The following TOM1L2 variants were observed in gnomAD, a reference collection of about 807,000 sequenced individuals.
TOM1L2 encodes TOM1-like protein 2.
TOM1L2 carries 31 observed loss-of-function variants against 67.9 expected under a neutral mutation model. The ratio of observed to expected loss-of-function variants is 0.46; its 90% CI spans 0.34 to 0.62. The LOEUF is 0.62. Ranked by LOEUF, TOM1L2 falls within the 20% of genes least tolerant of loss-of-function variation. The pLI, the probability that TOM1L2 is intolerant of heterozygous loss-of-function variation, is 0.01. For missense variants in TOM1L2, 606 were observed against 663.5 expected (o/e 0.91, Z 0.95); for synonymous variants, 256 against 254.0 (o/e 1.01, Z -0.07).
intron 9 of TOM1L2, 46 bp downstream of exon 9, chr17:17,866,830 G>A (rs1290354271): frequency 1.9e-6 from 3 of 1,569,424 alleles, no homozygotes; most frequent in Non-Finnish European, 2.6e-6. Flanking sequence ...ACGTGGAGGG[G>A]TAGGTCTGGC....
chr17:17,929,304 G>A (rs1404928055), intron 1 of TOM1L2, among the ~76,000 whole-genome samples: 1 of 152,206 alleles, frequency 6.6e-6, no homozygotes, highest in Admixed American at 6.5e-5. Flanking sequence ...GCTTTGAGCA[G>A]CAGGCTTTGG....
chr17:17,894,069 C>T (rs945646137), intron 3 of TOM1L2, among the ~76,000 whole-genome samples: 2 of 152,178 alleles, frequency 1.3e-5, no homozygotes, highest in Non-Finnish European at 2.9e-5. Context: ...ATTGAGGCAC[C>T]AGTTTTGCAT....
intron 6 of TOM1L2, 104 bp from the exon 7 acceptor site, chr17:17,879,847 C>G: frequency 1.0e-6 from 1 of 977,568 alleles, no homozygotes; most frequent in South Asian, 1.4e-5. Context: ...ATCCTTCTCA[C>G]TGGGAGATCT....
chr17:17,882,206 G>C (rs1260517186), intron 6 of TOM1L2, among the ~76,000 whole-genome samples: 1 of 152,134 alleles, frequency 6.6e-6, no homozygotes, highest in African/African-American at 2.4e-5. Flanking sequence ...TTATGGGATA[G>C]ATCTAAGCCT....
chr17:17,852,720 T>G (rs2036041735), intron 12 of TOM1L2, among the ~76,000 whole-genome samples: 1 of 151,524 alleles, frequency 6.6e-6, no homozygotes, highest in South Asian at 2.1e-4. Flanking sequence ...ACAAAATTAG[T>G]TGGGTGTGGT....
intron 7 of TOM1L2, chr17:17,869,755 T>C (rs986125035): frequency 4.8e-6 from 5 of 1,043,194 alleles, no homozygotes; most frequent in African/African-American, 3.3e-5. Flanking sequence ...TATTAAAATG[T>C]GATTCTTTCC....
chr17:17,958,500 G>T (rs1320078741), intron 1 of TOM1L2, among the ~76,000 whole-genome samples: 1 of 152,156 alleles, frequency 6.6e-6, no homozygotes, highest in South Asian at 2.1e-4. Flanking sequence ...CCTTCATGAG[G>T]CTGAGTTGAA....
intron 14 of TOM1L2, 60 bp downstream of exon 14, chr17:17,848,763 C>A: frequency 1.2e-5 from 19 of 1,567,044 alleles, no homozygotes; most frequent in Non-Finnish European, 1.7e-5. Flanking sequence ...GGGGCTGGCT[C>A]CTGTGCAGCC....
At chr17:17,872,092 T>G in intron 7 of TOM1L2, 1 of 974,072 alleles carries the variant, frequency 1.0e-6, no homozygotes, top group Non-Finnish European at 1.2e-6. Flanking sequence ...CAGGCGCCAA[T>G]GGACACTCAC....
chr17:17,940,192 C>CAAAAAAAAAAAAAAAA, intron 1 of TOM1L2, among the ~76,000 whole-genome samples: 1 of 32,604 alleles, frequency 3.1e-5, no homozygotes, highest in Admixed American at 4.1e-4. Context: ...GACTCTATCT[C>CAAAAAAAAAAAAAAAA]AAAAAAAAAA....
intron 1 of TOM1L2, among the ~76,000 whole-genome samples, chr17:17,967,905 C>T (rs1311606901): frequency 6.6e-6 from 1 of 152,196 alleles, no homozygotes. Context: ...CCGCACCTGT[C>T]CAGCTTACTC....
intron 3 of TOM1L2, among the ~76,000 whole-genome samples, chr17:17,895,738 T>A (rs2038536008): frequency 6.6e-6 from 1 of 152,216 alleles, no homozygotes; most frequent in Non-Finnish European, 1.5e-5. Flanking sequence ...AGCAGCCACA[T>A]CAGCTAAGAG....
chr17:17,884,965 T>C (rs2037922458), intron 4 of TOM1L2, among the ~76,000 whole-genome samples, 197 bp from the exon 5 acceptor site: 1 of 152,214 alleles, frequency 6.6e-6, no homozygotes, highest in Admixed American at 6.5e-5. Context: ...TGGCTTTCAA[T>C]GGTGCTGCTG....
chr17:17,937,758 A>G (rs1487176528), intron 1 of TOM1L2, among the ~76,000 whole-genome samples: 13 of 152,226 alleles, frequency 8.5e-5, no homozygotes, highest in Admixed American at 8.5e-4. Flanking sequence ...TGCAGAGGTG[A>G]ACACCACTCA....
chr17:17,906,132 AT>A (rs903080193), intron 2 of TOM1L2, among the ~76,000 whole-genome samples: 127 of 34,612 alleles, frequency 3.7e-3, no homozygotes, highest in South Asian at 3.0e-3. Context: ...TTCTCTTTTC[AT>A]TTTTTTTTTT....
At chr17:17,939,970 A>C (rs2040662657) in intron 1 of TOM1L2, among the ~76,000 whole-genome samples, 1 of 151,830 alleles carries the variant, frequency 6.6e-6, no homozygotes, top group Admixed American at 6.6e-5. Flanking sequence ...AGTCGGGAGG[A>C]TCACTTGAGG....
At chr17:17,923,098 C>A (rs184503682) in intron 1 of TOM1L2, among the ~76,000 whole-genome samples, 42 of 152,312 alleles carry the variant, frequency 2.8e-4, no homozygotes, top group African/African-American at 9.4e-4. Flanking sequence ...CTGCTGTGCT[C>A]ATTAAAGCCA....
In TOM1L2 at chr17:17,862,837, C is replaced by G; in HGVS notation, c.1096G>C (p.Glu366Gln). The G allele has an allele frequency of 6.2e-7, 1 of 1,614,074 alleles. No homozygotes were observed. Among genetic ancestry groups the G allele is most frequent in the Non-Finnish European group, 8.5e-7 (1 of 1,179,966 alleles). ...SQLAGLDLGTESVSGTLSSLQ... is the reference protein window; with the variant it reads ...SQLAGLDLGTQSVSGTLSSLQ... ...GAACTGAGGGTGCCACTGACGCTCT[C>G]TGTCCCCAAGTCTGTGGCAACAAAA... The change falls in exon 11 of 15, where the codon GAG becomes CAG. Residue 366 changes from glutamate (E) to glutamine (Q), a missense_variant. Transcript: ENST00000379504.
At chr17:17,913,242 GGAGACCGTGGGGAGACGGGA>G (rs2039482455) in intron 1 of TOM1L2, among the ~76,000 whole-genome samples, 1 of 117,242 alleles carries the variant, frequency 8.5e-6, no homozygotes, top group Non-Finnish European at 1.9e-5. Context: ...GGGAGACGGG[GGAGACCGTGGGGAGACGGGA>G]GAGGGAGAGG....
Sources: allele counts gnomAD v4.1 joint callset (sites outside exome capture counted in the v4.1 genomes callset), GRCh38; gene constraint gnomAD v4.1.1; transcripts MANE v1.5; gene names NCBI Gene and HGNC (gene_info 2026-07-23, HGNC 2026-07-21).